The following FAM13A variants were observed in gnomAD, a reference collection of about 807,000 sequenced individuals.
FAM13A encodes family with sequence similarity 13 member A, also known as protein FAM13A.
A neutral mutation model predicts 129.6 loss-of-function variants in FAM13A; 76 were observed. The ratio of observed to expected loss-of-function variants is 0.59; its 90% CI spans 0.49 to 0.71. The LOEUF is 0.71. Ranked by LOEUF, FAM13A falls within the 30% of genes least tolerant of loss-of-function variation. The probability of loss-of-function intolerance (pLI) is 0.00; values close to 1 mark genes in which losing one functional copy is unlikely to be tolerated. For missense variants in FAM13A, 1,108 were observed against 1,249.3 expected (o/e 0.89, Z 1.70); for synonymous variants, 443 against 449.9 (o/e 0.98, Z 0.20).
At chr4:88,783,034 A>C (rs892450585) in intron 10 of FAM13A, among the ~76,000 whole-genome samples, 1 of 152,064 alleles carries the variant, frequency 6.6e-6, no homozygotes, top group African/African-American at 2.4e-5. Context: ...TACAGGGTAC[A>C]TGAGATATTT....
At chr4:88,848,379 C>T (rs1737029863) in intron 7 of FAM13A, among the ~76,000 whole-genome samples, 1 of 152,208 alleles carries the variant, frequency 6.6e-6, no homozygotes. Flanking sequence ...ATCAGCTTCT[C>T]CTCTCCACTG....
Position 88,732,099 on chromosome 4 carries a change from C to T in FAM13A, c.2746G>A (p.Glu916Lys), listed in dbSNP as rs371018005. The change falls in exon 22 of 24, where the codon GAA becomes AAA. Residue 916 changes from glutamate to lysine, a missense_variant. Glu to Lys is a moderately conservative substitution (Grantham distance 56). Transcript: ENST00000264344. ...FSARCFLDQF[E>K]DDADGFISPM... Reference sequence around the variant, plus strand: ...GAAATAAATCCATCAGCGTCATCTTCGAATTGGTCCAGAAAGCATCGTGCA... The same window carrying T: ...GAAATAAATCCATCAGCGTCATCTTTGAATTGGTCCAGAAAGCATCGTGCA... 1.1e-5 allele frequency: 18 copies of T among 1,613,854 alleles called. No individual in the cohort carries two copies. Among genetic ancestry groups the T allele is most frequent in the Non-Finnish European group, 1.5e-5 (18 of 1,179,934 alleles).
At chr4:88,902,941 C>T (rs149920504) in intron 6 of FAM13A, among the ~76,000 whole-genome samples, 43 of 152,168 alleles carry the variant, frequency 2.8e-4, no homozygotes, top group African/African-American at 9.9e-4. Flanking sequence ...TGCAAAAAAT[C>T]ATAGCATTCC....
intron 7 of FAM13A, among the ~76,000 whole-genome samples, chr4:88,845,078 G>A (rs566758954): frequency 3.3e-5 from 5 of 152,088 alleles, no homozygotes; most frequent in Admixed American, 6.6e-5. Context: ...GTACATTAGT[G>A]GAATGGATAA....
Position 88,984,517 on chromosome 4 carries a change from G to T in FAM13A, c.605+6456C>A, listed in dbSNP as rs557439753. Among the ~76,000 whole-genome samples the T allele has an allele frequency of 1.1e-3, 164 of 152,052 alleles. 1 individual carries two copies. The highest frequency in any genetic ancestry group is 3.6e-3 in the African/African-American group (148 of 41,504). On this transcript the variant is annotated intron_variant, in intron 4 of 23. Coordinates refer to ENST00000264344, the MANE Select transcript of FAM13A (RefSeq NM_014883.4). Reference sequence around the variant, plus strand: ...ACATTTCTCCAAAAATATACAAATGGCCAATAAGCACATGAAAATATTCAA... The same window carrying T: ...ACATTTCTCCAAAAATATACAAATGTCCAATAAGCACATGAAAATATTCAA...
At chr4:88,817,826 A>G (rs529460203) in intron 7 of FAM13A, among the ~76,000 whole-genome samples, 1 of 152,348 alleles carries the variant, frequency 6.6e-6, no homozygotes, top group African/African-American at 2.4e-5. Flanking sequence ...ATGATATAGC[A>G]CTACCTGAAC....
rs185375604 is a variant in FAM13A at position 88,727,313 on chromosome 4, G to A, written c.*1220C>T. 162 of 152,760 alleles carry A rather than the reference G, an allele frequency of 1.1e-3. 2 individuals carry two copies. Among genetic ancestry groups the A allele is most frequent in the East Asian group, 1.5e-3 (8 of 5,182 alleles). 9.5% of individuals were successfully genotyped at this position (152,760 alleles called of 1,614,324 possible). On this transcript the variant is annotated 3_prime_UTR_variant, in exon 24 of 24. Coordinates refer to ENST00000264344, the MANE Select transcript of FAM13A (RefSeq NM_014883.4). Reference sequence around the variant, plus strand: ...ATCATGAGGTGACATCAGGCACACTGAAGAGATGGAGGATTTGGTGTCTTA... The same window carrying A: ...ATCATGAGGTGACATCAGGCACACTAAAGAGATGGAGGATTTGGTGTCTTA...
chr4:88,839,241 T>C (rs545892374), intron 7 of FAM13A, among the ~76,000 whole-genome samples: 1 of 152,242 alleles, frequency 6.6e-6, no homozygotes, highest in Non-Finnish European at 1.5e-5. Flanking sequence ...TGTTTAAATA[T>C]GTAATCCACC....
At chr4:88,938,000 C>A (rs182836907) in intron 5 of FAM13A, 88 bp downstream of exon 5, 15 of 944,434 alleles carry the variant, frequency 1.6e-5, no homozygotes, top group Non-Finnish European at 2.5e-5. Flanking sequence ...AGGGTTATAT[C>A]CATATGGAAT....
At chr4:88,870,700 C>T (rs1005470226) in intron 6 of FAM13A, among the ~76,000 whole-genome samples, 5 of 152,212 alleles carry the variant, frequency 3.3e-5, no homozygotes, top group African/African-American at 9.6e-5. Flanking sequence ...CAGGACACAG[C>T]TGAACAAAAG....
chr4:88,832,282 C>A (rs961317757), intron 7 of FAM13A, among the ~76,000 whole-genome samples: 2 of 152,068 alleles, frequency 1.3e-5, no homozygotes, highest in Admixed American at 6.6e-5. Context: ...ACTATAAAAT[C>A]CCTAGAAGAA....
chr4:88,880,885 C>T (rs1743449231), intron 6 of FAM13A, among the ~76,000 whole-genome samples: 1 of 150,594 alleles, frequency 6.6e-6, no homozygotes, highest in Admixed American at 6.7e-5. Flanking sequence ...CCTTGGGGAC[C>T]TGAATGAGGC....
At chr4:88,756,961 A>T (rs1344381541) in intron 14 of FAM13A, among the ~76,000 whole-genome samples, 5 of 152,316 alleles carry the variant, frequency 3.3e-5, no homozygotes, top group South Asian at 2.1e-4. Context: ...AAAAACAAAA[A>T]GTTAAAGTTA....
At chr4:88,994,058 GTAAC>G (rs1478654851) in intron 3 of FAM13A, among the ~76,000 whole-genome samples, 10 of 151,696 alleles carry the variant, frequency 6.6e-5, no homozygotes, top group Admixed American at 6.6e-4. Context: ...AAAGTCAAAA[GTAAC>G]TGAGAAATAT....
At chr4:89,023,764 G>T (rs1426637094) in intron 2 of FAM13A, among the ~76,000 whole-genome samples, 1 of 152,034 alleles carries the variant, frequency 6.6e-6, no homozygotes, top group African/African-American at 2.4e-5. Flanking sequence ...TTATAATCCT[G>T]GGCATGAATA....
intron 4 of FAM13A, among the ~76,000 whole-genome samples, chr4:88,970,932 G>A (rs1011129225): frequency 2.1e-4 from 32 of 152,216 alleles, no homozygotes; most frequent in African/African-American, 7.5e-4. Flanking sequence ...AAGTTGGCCG[G>A]GTGCAGTGGC....
At chr4:88,731,892 G>C in intron 22 of FAM13A, 110 bp downstream of exon 22, 1 of 849,506 alleles carries the variant, frequency 1.2e-6, no homozygotes. Flanking sequence ...TACACCCCAG[G>C]TAGTCACTTG....
intron 4 of FAM13A, among the ~76,000 whole-genome samples, chr4:88,955,180 CA>C (rs1342833967): frequency 6.6e-6 from 1 of 151,976 alleles, no homozygotes; most frequent in Non-Finnish European, 1.5e-5. Flanking sequence ...GAATTGTTTT[CA>C]GAATGTAGAA....
intron 6 of FAM13A, among the ~76,000 whole-genome samples, chr4:88,854,576 T>C (rs1175920237): frequency 1.3e-5 from 2 of 152,220 alleles, no homozygotes; most frequent in African/African-American, 4.8e-5. Flanking sequence ...GTAACTTTTG[T>C]ATGTGAAGGT....
Sources: gnomAD v4.1 joint callset for allele counts (sites outside exome capture counted in the v4.1 genomes callset) on GRCh38, gnomAD v4.1.1 for gene constraint, MANE v1.5 for transcripts, NCBI Gene and HGNC (gene_info 2026-07-23, HGNC 2026-07-21) for gene names.